Variants in CTNNA1 observed in about 807,000 individuals in gnomAD.
CTNNA1 encodes catenin alpha 1.
In CTNNA1, 37 loss-of-function variants were observed where a neutral mutation model predicts 98.4. The observed-to-expected ratio is 0.38, with a 90% CI of 0.29 to 0.49. The LOEUF (loss-of-function observed/expected upper bound fraction) is 0.49. Among genes scored for constraint, CTNNA1 ranks in the 20% least tolerant of loss-of-function variants. CTNNA1 has a pLI of 0.95. For missense variants in CTNNA1, 761 were observed against 1,147.2 expected (o/e 0.66, Z 4.86); for synonymous variants, 404 against 413.2 (o/e 0.98, Z 0.27).
At chr5:138,931,261 C>T (rs1029193568) in intron 16 of CTNNA1, among the ~76,000 whole-genome samples, 1 of 152,162 alleles carries the variant, frequency 6.6e-6, no homozygotes, top group African/African-American at 2.4e-5. Flanking sequence ...CCTAGATGGG[C>T]CCAGGTTTCT....
chr5:138,899,487 G>A (rs1757570323), intron 9 of CTNNA1, among the ~76,000 whole-genome samples: 1 of 152,130 alleles, frequency 6.6e-6, no homozygotes, highest in African/African-American at 2.4e-5. Flanking sequence ...CTCCCTGAGC[G>A]AATGCTTAGA....
chr5:138,821,814 TTGTAAATAA>T (rs1760077029), intron 5 of CTNNA1, among the ~76,000 whole-genome samples: 9 of 152,222 alleles, frequency 5.9e-5, no homozygotes, highest in Admixed American at 5.9e-4. Context: ...GACTCTAGTT[TTGTAAATAA>T]TCTATTATGT....
intron 7 of CTNNA1, among the ~76,000 whole-genome samples, chr5:138,841,687 T>G (rs1210215445): frequency 6.6e-6 from 1 of 152,242 alleles, no homozygotes; most frequent in African/African-American, 2.4e-5. Flanking sequence ...AAGGAAGATA[T>G]TTCCTTTGAG....
chr5:138,815,005 G>T (rs1482966726), intron 5 of CTNNA1, among the ~76,000 whole-genome samples: 1 of 152,130 alleles, frequency 6.6e-6, no homozygotes. Flanking sequence ...ACCTGCCTCG[G>T]TCTCCCAAAG....
intron 9 of CTNNA1, among the ~76,000 whole-genome samples, chr5:138,900,045 T>C (rs1310308340): frequency 6.6e-6 from 1 of 152,246 alleles, no homozygotes; most frequent in Non-Finnish European, 1.5e-5. Context: ...GGGCTTATCA[T>C]CATTTCCCCT....
intron 8 of CTNNA1, 50 bp downstream of exon 8, chr5:138,886,342 GT>G: frequency 6.5e-7 from 1 of 1,534,836 alleles, no homozygotes; most frequent in East Asian, 2.3e-5. Flanking sequence ...CAATTTTGTA[GT>G]TTTGATTAAA....
At chr5:138,931,093 T>C in intron 16 of CTNNA1, 158 bp downstream of exon 16, 2 of 620,386 alleles carry the variant, frequency 3.2e-6, no homozygotes, top group Non-Finnish European at 5.9e-6. Context: ...GTAAGGATTC[T>C]CTAGAGCGGA....
At chr5:138,767,377 A>T (rs928160270) in intron 1 of CTNNA1, among the ~76,000 whole-genome samples, 1 of 151,986 alleles carries the variant, frequency 6.6e-6, no homozygotes, top group Non-Finnish European at 1.5e-5. Flanking sequence ...CTGCCACTTC[A>T]CTGTGCATCC....
At chr5:138,782,054 A>T (rs1755170151) in intron 2 of CTNNA1, 25 bp downstream of exon 2, 2 of 1,598,784 alleles carry the variant, frequency 1.3e-6, no homozygotes, top group Admixed American at 1.8e-5. Flanking sequence ...ACACAAATAC[A>T]TTGTAACATG....
chr5:138,915,516 G>C (rs10078916), intron 10 of CTNNA1, among the ~76,000 whole-genome samples: 3,478 of 152,264 alleles, frequency 0.023, 134 homozygotes, highest in African/African-American at 0.08. Flanking sequence ...AAAAGGTAAA[G>C]CAGCTTCTCA....
At chr5:138,838,721 C>T (rs1762016957) in intron 7 of CTNNA1, among the ~76,000 whole-genome samples, 1 of 152,010 alleles carries the variant, frequency 6.6e-6, no homozygotes, top group East Asian at 1.9e-4. Flanking sequence ...AATCTAAGCC[C>T]TGCTTTGTCT....
chr5:138,803,618 G>GTGTT (rs1757795790), intron 3 of CTNNA1, among the ~76,000 whole-genome samples: 1 of 152,224 alleles, frequency 6.6e-6, no homozygotes, highest in South Asian at 2.1e-4. Flanking sequence ...CTTTGACTTG[G>GTGTT]TGTTCCCTCT....
intron 7 of CTNNA1, among the ~76,000 whole-genome samples, chr5:138,864,200 C>T (rs555664973): frequency 1.3e-5 from 2 of 152,202 alleles, no homozygotes; most frequent in Admixed American, 6.5e-5. Flanking sequence ...TCAAGTGGTC[C>T]TCCTGCCTTC....
rs371999080 is a variant in CTNNA1 at position 138,820,595 on chromosome 5, G to A, written c.589-3935G>A. Among the ~76,000 whole-genome samples the A allele has an allele frequency of 2.6e-4, 40 of 152,224 alleles. No homozygotes were observed. In the East Asian group the frequency reaches 5.6e-3, roughly 21 times the overall value. ...GGTGATCCTGGTTGGGGTATAGGGT[G>A]GTGGAGGCCTGGTGTTTCCTTCTGT... On this transcript the variant is annotated intron_variant, in intron 5 of 17. Transcript: ENST00000302763.
intron 7 of CTNNA1, among the ~76,000 whole-genome samples, chr5:138,860,008 G>A (rs546944443): frequency 6.6e-6 from 1 of 152,108 alleles, no homozygotes; most frequent in Non-Finnish European, 1.5e-5. Flanking sequence ...GTGTGCGTGT[G>A]CATGCGTGTG....
At chr5:138,756,787 T>C (rs1751699814) in intron 1 of CTNNA1, among the ~76,000 whole-genome samples, 1 of 152,170 alleles carries the variant, frequency 6.6e-6, no homozygotes, top group African/African-American at 2.4e-5. Context: ...CTGCTAGTGC[T>C]TGGAGAAGGC....
At chr5:138,904,621 A>G (rs1758773309) in intron 10 of CTNNA1, 180 bp downstream of exon 10, 1 of 775,410 alleles carries the variant, frequency 1.3e-6, no homozygotes, top group Admixed American at 3.0e-5. Flanking sequence ...ATTAAGTGAC[A>G]TTTGCACGGG....
chr5:138,774,358 A>G (rs1329981789), intron 1 of CTNNA1, among the ~76,000 whole-genome samples: 4 of 152,038 alleles, frequency 2.6e-5, no homozygotes, highest in Non-Finnish European at 5.9e-5. Context: ...ATTTTTGCAC[A>G]GTAAGACTTC....
At chr5:138,917,544 A>T (rs913170066) in intron 10 of CTNNA1, among the ~76,000 whole-genome samples, 198 bp from the exon 11 acceptor site, 2 of 152,168 alleles carry the variant, frequency 1.3e-5, no homozygotes, top group African/African-American at 2.4e-5. Context: ...TATTTGTTTT[A>T]TCATTGTCTA....
Sources: allele counts gnomAD v4.1 joint callset (sites outside exome capture counted in the v4.1 genomes callset), GRCh38; gene constraint gnomAD v4.1.1; transcripts MANE v1.5; gene names NCBI Gene and HGNC (gene_info 2026-07-23, HGNC 2026-07-21).